Variants in PCSK5 observed in about 807,000 individuals in gnomAD.
PCSK5 encodes the protein proprotein convertase subtilisin/kexin type 5.
Under a neutral mutation model 233.2 loss-of-function variants are expected in PCSK5, and 129 were observed. The ratio of observed to expected loss-of-function variants is 0.55; its 90% CI spans 0.48 to 0.64. The LOEUF (loss-of-function observed/expected upper bound fraction) is 0.64, where lower values mean the gene tolerates loss of function less well. Among genes scored for constraint, PCSK5 ranks in the 30% least tolerant of loss-of-function variants. The probability of loss-of-function intolerance (pLI) is 0.00; values close to 1 mark genes in which losing one functional copy is unlikely to be tolerated. For missense variants in PCSK5, 2,076 were observed against 2,430.1 expected, an observed-to-expected ratio of 0.85 and a Z score of 3.06; for synonymous variants, 825 against 879.2, an observed-to-expected ratio of 0.94 and a Z score of 1.09.
chr9:76,224,903 A>T (rs1447142964), intron 20 of PCSK5, among the ~76,000 whole-genome samples: 1 of 152,232 alleles, frequency 6.6e-6, no homozygotes, highest in Non-Finnish European at 1.5e-5. Context: ...TATGATAAAG[A>T]CTTTGAGCGC....
chr9:76,178,594 A>T (rs953665821), intron 14 of PCSK5, among the ~76,000 whole-genome samples: 1 of 152,226 alleles, frequency 6.6e-6, no homozygotes, highest in African/African-American at 2.4e-5. Flanking sequence ...TATGAAACAT[A>T]GTCCCATAAT....
chr9:76,002,228 T>C (rs145582796), intron 3 of PCSK5, among the ~76,000 whole-genome samples: 271 of 152,292 alleles, frequency 1.8e-3, no homozygotes, highest in African/African-American at 6.1e-3. Context: ...TAATATCTAA[T>C]AGTATAGTGC....
At chr9:76,207,517 A>G (rs1234621818) in intron 20 of PCSK5, among the ~76,000 whole-genome samples, 1 of 152,214 alleles carries the variant, frequency 6.6e-6, no homozygotes, top group East Asian at 1.9e-4. Flanking sequence ...TTAAACACTT[A>G]CTATGTGTTA....
chr9:75,907,924 T>C (rs918049181), intron 1 of PCSK5, among the ~76,000 whole-genome samples: 8 of 152,178 alleles, frequency 5.3e-5, no homozygotes, highest in Non-Finnish European at 7.3e-5. Context: ...AGCTGTACAC[T>C]CTTGTGATGG....
In PCSK5 at chr9:76,158,991, G is replaced by A. The variant is rs751182065; in HGVS notation, c.1439G>A (p.Arg480His). ...ESTDRQIKTI[R>H]PNSAVRSIYK... The stretch of plus-strand genomic sequence containing the variant: ...ATCTCTCTCTGTTACAGGACAATCC[G>A]CCCTAACAGTGCAGTGCGCTCCATC... The change falls in exon 12 of 38, where the codon CGC (arginine) becomes CAC (histidine). Residue 480 changes from arginine (R) to histidine (H), a missense_variant. By Grantham distance (29) the Arg-to-His change is conservative (BLOSUM62 0). Coordinates refer to ENST00000674117, the MANE Select transcript of PCSK5 (RefSeq NM_001372043.1). The A allele has an allele frequency of 2.3e-5, 37 of 1,613,610 alleles. No individual in the cohort carries two copies. In the East Asian group the frequency reaches 2.5e-4, roughly 11 times the overall value.
chr9:75,938,532 A>T (rs1019906551), intron 2 of PCSK5, among the ~76,000 whole-genome samples: 2 of 152,246 alleles, frequency 1.3e-5, no homozygotes, highest in African/African-American at 4.8e-5. Flanking sequence ...AAGTGAGCAC[A>T]CGCTGTTGGA....
At chr9:76,137,472 TAAC>T (rs1258373732) in intron 10 of PCSK5, among the ~76,000 whole-genome samples, 1 of 152,018 alleles carries the variant, frequency 6.6e-6, no homozygotes, top group Non-Finnish European at 1.5e-5. Context: ...TAAATAATAA[TAAC>T]AATCTCATAG....
At chr9:76,060,087 T>C (rs1012011462) in intron 5 of PCSK5, among the ~76,000 whole-genome samples, 2 of 152,104 alleles carry the variant, frequency 1.3e-5, no homozygotes, top group Admixed American at 1.3e-4. Context: ...CAGAAAGAAA[T>C]CAATGATCCA....
chr9:75,890,129 G>T (rs1665076022), upstream of PCSK5, among the ~76,000 whole-genome samples: 2 of 152,178 alleles, frequency 1.3e-5, no homozygotes, highest in Admixed American at 1.3e-4. Context: ...CAACAGACTT[G>T]GCTTTCGAGC....
chr9:76,334,864 G>A (rs953455962), intron 34 of PCSK5, among the ~76,000 whole-genome samples: 2 of 152,176 alleles, frequency 1.3e-5, no homozygotes, highest in Non-Finnish European at 2.9e-5. Flanking sequence ...GATCACTTGA[G>A]GCCAGGAGTT....
At chr9:75,898,411 C>G (rs915818572) in intron 1 of PCSK5, among the ~76,000 whole-genome samples, 2 of 152,176 alleles carry the variant, frequency 1.3e-5, no homozygotes, top group Non-Finnish European at 2.9e-5. Context: ...TGCTTAGTAC[C>G]TTTCTTATCC....
chr9:76,294,687 G>C (rs1828381931), intron 25 of PCSK5, among the ~76,000 whole-genome samples: 1 of 151,748 alleles, frequency 6.6e-6, no homozygotes, highest in Admixed American at 6.6e-5. Context: ...GCTAATACTT[G>C]ACACATAATC....
chr9:76,247,153 G>T (rs149900656), intron 24 of PCSK5, among the ~76,000 whole-genome samples: 2 of 152,172 alleles, frequency 1.3e-5, no homozygotes, highest in Non-Finnish European at 2.9e-5. Context: ...TGGGCACCTC[G>T]CTGGATCAGG....
chr9:76,234,278 A>G (rs969412030), intron 22 of PCSK5, among the ~76,000 whole-genome samples: 2 of 152,116 alleles, frequency 1.3e-5, no homozygotes, highest in African/African-American at 4.8e-5. Flanking sequence ...TTGAGGGTTT[A>G]ATGTCTCTTG....
rs541697910 is a variant in PCSK5 at position 76,080,614 on chromosome 9, T to C, written c.894+8716T>C. On this transcript the variant is annotated intron_variant, in intron 7 of 37. Coordinates refer to ENST00000674117, the MANE Select transcript of PCSK5 (RefSeq NM_001372043.1). ...AAACATACATGGTGTAGTATGGTGG[T>C]TAAAGTACCCAGACCCTGGATTTGG... Among the ~76,000 whole-genome samples the C allele has an allele frequency of 1.2e-4, 19 of 152,304 alleles. No homozygotes were observed. In the East Asian group the frequency reaches 3.3e-3, roughly 26 times the overall value.
intron 35 of PCSK5, among the ~76,000 whole-genome samples, chr9:76,350,484 C>T (rs1328866371): frequency 6.6e-6 from 1 of 152,208 alleles, no homozygotes; most frequent in East Asian, 1.9e-4. Flanking sequence ...CCTCCAAACA[C>T]TTGGTAACAT....
intron 1 of PCSK5, among the ~76,000 whole-genome samples, chr9:75,923,000 C>T (rs1823320380): frequency 6.6e-6 from 1 of 152,086 alleles, no homozygotes; most frequent in African/African-American, 2.4e-5. Flanking sequence ...CTAATGAGGC[C>T]TTATATTAGT....
At chr9:75,968,130 G>A (rs896279870) in intron 2 of PCSK5, among the ~76,000 whole-genome samples, 2 of 152,208 alleles carry the variant, frequency 1.3e-5, no homozygotes, top group East Asian at 1.9e-4. Flanking sequence ...GGGAGTCAGA[G>A]GGATGTTGTT....
chr9:76,180,065 TTA>T (rs148523532), intron 15 of PCSK5, among the ~76,000 whole-genome samples: 2,842 of 116,110 alleles, frequency 0.024, 73 homozygotes, highest in African/African-American at 0.068. Flanking sequence ...AACATGATGT[TTA>T]TATATATATG....
Sources: allele counts gnomAD v4.1 joint callset (sites outside exome capture counted in the v4.1 genomes callset), GRCh38; gene constraint gnomAD v4.1.1; transcripts MANE v1.5; gene names NCBI Gene and HGNC (gene_info 2026-07-23, HGNC 2026-07-21).